Variants in SEMA4F observed in about 807,000 individuals in gnomAD.
SEMA4F encodes semaphorin-4F.
A neutral mutation model predicts 78.4 loss-of-function variants in SEMA4F; 51 were observed. The observed-to-expected ratio is 0.65, with a 90% confidence interval of 0.52 to 0.82. The LOEUF (loss-of-function observed/expected upper bound fraction) is 0.82. SEMA4F is among the 40% of genes least tolerant of loss of function. The pLI is 0.00. For missense variants in SEMA4F, 938 were observed against 1,014.4 expected, an observed-to-expected ratio of 0.92 and a Z score of 1.02; for synonymous variants, 418 against 408.7, an observed-to-expected ratio of 1.02 and a Z score of -0.27.
chr2:74,708,306 A>C, the SEMA4F span, among the ~76,000 whole-genome samples: 1 of 152,222 alleles, frequency 6.6e-6, no homozygotes, highest in Non-Finnish European at 1.5e-5. Flanking sequence ...GAGAAGAAGT[A>C]GAAAAATATG....
intron 1 of SEMA4F, 56 bp from the exon 2 acceptor site, chr2:74,656,478 G>T (rs1281220077): frequency 6.3e-7 from 1 of 1,575,042 alleles, no homozygotes; most frequent in Admixed American, 1.8e-5. Context: ...TTTTGCTCTT[G>T]TGGACTTGAC....
At chr2:74,705,204 A>G in the SEMA4F span, among the ~76,000 whole-genome samples, 1 of 152,252 alleles carries the variant, frequency 6.6e-6, no homozygotes, top group Non-Finnish European at 1.5e-5. Flanking sequence ...GGTGAGGAAT[A>G]TAATTTGGTA....
chr2:74,687,750 G>A (rs186041895), downstream of SEMA4F, among the ~76,000 whole-genome samples: 1 of 152,178 alleles, frequency 6.6e-6, no homozygotes, highest in African/African-American at 2.4e-5. Flanking sequence ...TCAAGGGATA[G>A]CTTTAGGGTG....
chr2:74,656,981 T>C (rs1020588611), intron 2 of SEMA4F, among the ~76,000 whole-genome samples: 1 of 152,102 alleles, frequency 6.6e-6, no homozygotes, highest in Non-Finnish European at 1.5e-5. Context: ...TACAATACTC[T>C]AGGGAAACAG....
the SEMA4F span, among the ~76,000 whole-genome samples, chr2:74,692,307 C>T: frequency 8.5e-5 from 13 of 152,152 alleles, no homozygotes; most frequent in Non-Finnish European, 1.5e-4. Context: ...GAAATGTGGC[C>T]AACAGAAACG....
the SEMA4F span, among the ~76,000 whole-genome samples, chr2:74,695,093 T>G: frequency 6.6e-6 from 1 of 152,318 alleles, no homozygotes; most frequent in South Asian, 2.1e-4. Context: ...TGAAATTTTG[T>G]TTTTGAACTA....
chr2:74,693,857 G>C, the SEMA4F span, among the ~76,000 whole-genome samples: 1 of 152,032 alleles, frequency 6.6e-6, no homozygotes, highest in South Asian at 2.1e-4. Flanking sequence ...TATTCAACCA[G>C]TTCCCAGTAG....
At chr2:74,691,293 C>A in the SEMA4F span, among the ~76,000 whole-genome samples, 1 of 152,318 alleles carries the variant, frequency 6.6e-6, no homozygotes, top group East Asian at 1.9e-4. Flanking sequence ...GACCATGCTG[C>A]TCACGTACTG....
chr2:74,657,553 C>T lies in SEMA4F; in HGVS notation c.298-12C>T, dbSNP rs1483722380. The stretch of plus-strand genomic sequence containing the variant: ...GGGAATCTGGGTGAAATGATCACTT[C>T]TCCTTTCTCAGATTGACTGGATGGT... On this transcript the variant is annotated splice_polypyrimidine_tract_variant and intron_variant, in intron 2 of 13. Transcript: ENST00000357877. The T allele has an allele frequency of 5.6e-6, 9 of 1,613,566 alleles. No homozygotes were observed. The highest frequency in any genetic ancestry group is 1.7e-5 in the Admixed American group (1 of 60,022).
the SEMA4F span, among the ~76,000 whole-genome samples, chr2:74,709,371 A>C: frequency 6.6e-6 from 1 of 152,228 alleles, no homozygotes; most frequent in African/African-American, 2.4e-5. Flanking sequence ...TAATTCAGTG[A>C]AAATGTCATT....
downstream of SEMA4F, among the ~76,000 whole-genome samples, chr2:74,684,348 G>C (rs951309492): frequency 6.6e-6 from 1 of 151,912 alleles, no homozygotes; most frequent in African/African-American, 2.4e-5. Context: ...GCCAGGGCAG[G>C]CTTTGCTATG....
chr2:74,705,698 G>A, the SEMA4F span, among the ~76,000 whole-genome samples: 1 of 152,154 alleles, frequency 6.6e-6, no homozygotes, highest in African/African-American at 2.4e-5. Flanking sequence ...TGAGTAGCTA[G>A]GACTACAGAT....
At chr2:74,698,527 CT>C in the SEMA4F span, among the ~76,000 whole-genome samples, 1 of 152,144 alleles carries the variant, frequency 6.6e-6, no homozygotes, top group Non-Finnish European at 1.5e-5. Flanking sequence ...CACAAAAGTC[CT>C]TCCCAGCCTG....
chr2:74,687,874 C>T (rs964283529), downstream of SEMA4F, among the ~76,000 whole-genome samples: 1 of 152,172 alleles, frequency 6.6e-6, no homozygotes, highest in Non-Finnish European at 1.5e-5. Context: ...TAGGTCCTCT[C>T]TGCTCTTTCT....
At chr2:74,709,276 T>C in the SEMA4F span, among the ~76,000 whole-genome samples, 1 of 152,146 alleles carries the variant, frequency 6.6e-6, no homozygotes, top group African/African-American at 2.4e-5. Context: ...ATGACAGAAA[T>C]TTTTCATCAG....
chr2:74,665,946 C>T (rs570408553), intron 5 of SEMA4F, among the ~76,000 whole-genome samples: 13 of 147,112 alleles, frequency 8.8e-5, no homozygotes, highest in East Asian at 3.9e-4. Flanking sequence ...CTCGCTCTGT[C>T]GCCCAGGCTG....
Position 74,673,459 on chromosome 2 carries a change from G to C in SEMA4F, c.553G>C (p.Gly185Arg). The change falls in exon 6 of 14, where the codon GGG becomes CGG. Residue 185 changes from glycine to arginine, a missense_variant and splice_region_variant. Transcript: ENST00000357877. Reference protein sequence around the residue: ...AQRSAAVMAGGVLYAATVKNY... With the variant: ...AQRSAAVMAGRVLYAATVKNY... ...ATCTCCTCCCTGTCGCCCTGCAGGG[G>C]GGGTCCTCTATGCTGCCACTGTGAA... The C allele has an allele frequency of 1.2e-6, 2 of 1,614,072 alleles. No individual in the cohort carries two copies. The highest frequency in any genetic ancestry group is 1.1e-5 in the South Asian group (1 of 91,062).
intron 7 of SEMA4F, among the ~76,000 whole-genome samples, chr2:74,674,195 T>C (rs962953347): frequency 5.9e-5 from 9 of 152,212 alleles, no homozygotes; most frequent in Admixed American, 5.9e-4. Flanking sequence ...AGGATAATAA[T>C]GATGCCTGTC....
chr2:74,673,861 C>G lies in SEMA4F; in HGVS notation c.822+33C>G, dbSNP rs375305199. On this transcript the variant is annotated intron_variant, in intron 7 of 13. Transcript: ENST00000357877. The stretch of plus-strand genomic sequence containing the variant: ...CCCATCCCAGCTGTCTGTCTGTCAT[C>G]TCCTGCTCTGTCTGTCCCCCGTCTT... The G allele has an allele frequency of 3.4e-5, 55 of 1,599,216 alleles. No individual in the cohort carries two copies. The African/African-American group carries it at 7.1e-4, about 21-fold the overall frequency.
Sources: gnomAD v4.1 joint callset for allele counts (sites outside exome capture counted in the v4.1 genomes callset) on GRCh38, gnomAD v4.1.1 for gene constraint, MANE v1.5 for transcripts, NCBI Gene and HGNC (gene_info 2026-07-23, HGNC 2026-07-21) for gene names.